Variants in ROBO2 observed in about 807,000 individuals in gnomAD.
ROBO2 encodes roundabout homolog 2.
A neutral mutation model predicts 160.8 loss-of-function variants in ROBO2; 53 were observed. That is an observed-to-expected ratio of 0.33 (90% CI 0.26 to 0.41). The LOEUF (loss-of-function observed/expected upper bound fraction) is 0.41. ROBO2 is among the 10% of genes least tolerant of loss of function. The pLI is 1.00. For missense variants in ROBO2, 1,577 were observed against 1,722.4 expected (o/e 0.92, Z 1.49); for synonymous variants, 664 against 611.7 (o/e 1.09, Z -1.26).
intron 2 of ROBO2, among the ~76,000 whole-genome samples, chr3:76,017,695 ACACT>A (rs1488500718): frequency 7.9e-5 from 12 of 152,238 alleles, no homozygotes; most frequent in Non-Finnish European, 1.6e-4. Flanking sequence ...ATACAGACAC[ACACT>A]CAATGTCATA....
rs535464813 is a variant in ROBO2 at position 76,258,037 on chromosome 3, A to G, written c.109+320435A>G. 3.3e-5 allele frequency among the ~76,000 whole-genome samples: 5 copies of G among 152,182 alleles called. No individual in the cohort carries two copies. The South Asian group carries it at 1.0e-3, about 32-fold the overall frequency. Reference sequence around the variant, plus strand: ...CTGTTTTTTTCTCTCATCATCCACTAATCTGTTAGCCTAGAGAAACTCAGA... The same window carrying G: ...CTGTTTTTTTCTCTCATCATCCACTGATCTGTTAGCCTAGAGAAACTCAGA... On this transcript the variant is annotated intron_variant, in intron 2 of 26. Transcript: ENST00000487694.
intron 2 of ROBO2, among the ~76,000 whole-genome samples, chr3:77,462,418 C>A (rs1289221765): frequency 6.6e-6 from 1 of 152,160 alleles, no homozygotes; most frequent in East Asian, 1.9e-4. Context: ...GAATTGTACA[C>A]TTTGATCAGG....
At chr3:76,767,540 A>G (rs776492882) in intron 2 of ROBO2, among the ~76,000 whole-genome samples, 11 of 151,612 alleles carry the variant, frequency 7.3e-5, no homozygotes, top group Non-Finnish European at 1.2e-4. Context: ...TTTTCTTTCA[A>G]TGATAAAGAA....
chr3:76,963,681 TA>T (rs1174223318), intron 2 of ROBO2, among the ~76,000 whole-genome samples: 1 of 151,912 alleles, frequency 6.6e-6, no homozygotes, highest in Non-Finnish European at 1.5e-5. Flanking sequence ...CTTCTACCCA[TA>T]TTTGTTTACC....
intron 2 of ROBO2, among the ~76,000 whole-genome samples, chr3:77,263,670 G>A (rs2058928512): frequency 6.6e-6 from 1 of 152,144 alleles, no homozygotes; most frequent in Non-Finnish European, 1.5e-5. Context: ...GCATTTATGT[G>A]GATTCCATGT....
At chr3:76,949,254 T>C (rs1385117293) in intron 2 of ROBO2, among the ~76,000 whole-genome samples, 1 of 152,062 alleles carries the variant, frequency 6.6e-6, no homozygotes, top group Non-Finnish European at 1.5e-5. Context: ...GTTTCTCTCA[T>C]GTGTTTCTCA....
intron 2 of ROBO2, among the ~76,000 whole-genome samples, chr3:76,996,996 AG>A (rs1378155649): frequency 6.6e-6 from 1 of 152,174 alleles, no homozygotes; most frequent in Non-Finnish European, 1.5e-5. Flanking sequence ...ATGAGTAAAA[AG>A]AAGTATTAAG....
chr3:75,939,876 A>G (rs1947964753), intron 2 of ROBO2, among the ~76,000 whole-genome samples: 1 of 152,126 alleles, frequency 6.6e-6, no homozygotes, highest in South Asian at 2.1e-4. Context: ...TATTGTCAAG[A>G]AAAGAATACA....
At chr3:76,514,277 C>T (rs2081245874) in intron 2 of ROBO2, among the ~76,000 whole-genome samples, 1 of 152,070 alleles carries the variant, frequency 6.6e-6, no homozygotes, top group Admixed American at 6.6e-5. Flanking sequence ...AGATTCTCCC[C>T]CCATGTTACA....
intron 1 of ROBO2, among the ~76,000 whole-genome samples, chr3:77,079,376 G>C (rs142663240): frequency 6.6e-6 from 1 of 152,124 alleles, no homozygotes. Context: ...GATAGACTAC[G>C]TTCCAGATTT....
intron 17 of ROBO2, 40 bp from the exon 19 acceptor site, chr3:77,595,102 A>T: frequency 6.5e-7 from 1 of 1,530,982 alleles, no homozygotes; most frequent in Non-Finnish European, 9.0e-7. Context: ...AATATTGACT[A>T]CTTGTGTGTG....
chr3:77,609,040 CT>C (rs1056886059), intron 21 of ROBO2, among the ~76,000 whole-genome samples: 3 of 151,078 alleles, frequency 2.0e-5, no homozygotes, highest in African/African-American at 4.9e-5. Context: ...TATCATTTGC[CT>C]TTTTTTATAA....
chr3:77,259,984 C>T (rs1004301564), intron 2 of ROBO2, among the ~76,000 whole-genome samples: 7 of 152,206 alleles, frequency 4.6e-5, no homozygotes, highest in African/African-American at 9.7e-5. Context: ...GGCTGTGGCA[C>T]TACCTGTGGG....
At chr3:77,121,437 T>C (rs1247114792) in intron 2 of ROBO2, among the ~76,000 whole-genome samples, 1 of 152,170 alleles carries the variant, frequency 6.6e-6, no homozygotes, top group African/African-American at 2.4e-5. Flanking sequence ...TGATACCTAT[T>C]ACATTTTTAA....
At chr3:76,212,573 T>G (rs2324490) in intron 2 of ROBO2, among the ~76,000 whole-genome samples, 2 of 152,026 alleles carry the variant, frequency 1.3e-5, no homozygotes, top group Non-Finnish European at 2.9e-5. Context: ...AATGCTAGAA[T>G]AAAAAGTAGG....
intron 2 of ROBO2, among the ~76,000 whole-genome samples, chr3:77,225,170 A>G (rs963089058): frequency 1.3e-5 from 2 of 151,880 alleles, no homozygotes; most frequent in Admixed American, 1.3e-4. Flanking sequence ...TATATACTTC[A>G]TTGTTCACAA....
At chr3:76,162,740 A>AT (rs1282662445) in intron 2 of ROBO2, among the ~76,000 whole-genome samples, 1 of 152,138 alleles carries the variant, frequency 6.6e-6, no homozygotes, top group East Asian at 1.9e-4. Flanking sequence ...TTTTTCAACA[A>AT]TAAGTACATA....
intron 2 of ROBO2, among the ~76,000 whole-genome samples, chr3:77,327,846 T>A (rs1490707795): frequency 6.6e-6 from 1 of 151,846 alleles, no homozygotes; most frequent in East Asian, 1.9e-4. Flanking sequence ...GGTCAGGAGT[T>A]TGAGACTAGC....
At chr3:76,010,139 G>A (rs2066152282) in intron 2 of ROBO2, among the ~76,000 whole-genome samples, 1 of 152,140 alleles carries the variant, frequency 6.6e-6, no homozygotes, top group African/African-American at 2.4e-5. Flanking sequence ...TGTCAACTTC[G>A]AAACTTAATG....
Sources: allele counts gnomAD v4.1 joint callset (sites outside exome capture counted in the v4.1 genomes callset), GRCh38; gene constraint gnomAD v4.1.1; transcripts MANE v1.5; gene names NCBI Gene and HGNC (gene_info 2026-07-23, HGNC 2026-07-21).